PDE4D: variants seen among roughly 807,000 people sequenced by gnomAD.
PDE4D encodes the protein 3',5'-cyclic-AMP phosphodiesterase 4D.
A neutral mutation model predicts 87.4 loss-of-function variants in PDE4D; 24 were observed. The observed-to-expected ratio is 0.27, with a 90% CI of 0.20 to 0.39. The LOEUF (loss-of-function observed/expected upper bound fraction) is 0.39, where lower values mean the gene tolerates loss of function less well. Ranked by LOEUF, PDE4D falls within the 10% of genes least tolerant of loss-of-function variation. PDE4D has a pLI of 1.00. For missense variants in PDE4D, 714 were observed against 1,041.0 expected (o/e 0.69, Z 4.32); for synonymous variants, 384 against 383.2 (o/e 1.00, Z -0.02).
At chr5:59,589,861 A>C (rs1385211292) in intron 1 of PDE4D, among the ~76,000 whole-genome samples, 1 of 152,212 alleles carries the variant, frequency 6.6e-6, no homozygotes, top group African/African-American at 2.4e-5. Flanking sequence ...ATATTTTTAA[A>C]GTGAATTTTC....
At chr5:59,482,136 T>C (rs1372496244) in intron 1 of PDE4D, among the ~76,000 whole-genome samples, 1 of 152,134 alleles carries the variant, frequency 6.6e-6, no homozygotes, top group Non-Finnish European at 1.5e-5. Context: ...AACATCCCCT[T>C]AACATTCATA....
chr5:60,195,763 C>T (rs2409740), intron 1 of PDE4D, among the ~76,000 whole-genome samples: 7,447 of 151,700 alleles, frequency 0.049, 377 homozygotes, highest in South Asian at 0.11. Flanking sequence ...GTGGGACCCC[C>T]GAGGAGGCAG....
At chr5:59,762,100 G>T (rs1762038037) in intron 1 of PDE4D, among the ~76,000 whole-genome samples, 1 of 151,378 alleles carries the variant, frequency 6.6e-6, no homozygotes, top group East Asian at 1.9e-4. Context: ...AATGATCCAG[G>T]TATATATATA....
chr5:59,671,235 T>C (rs547902282), intron 1 of PDE4D, among the ~76,000 whole-genome samples: 50 of 152,172 alleles, frequency 3.3e-4, no homozygotes, highest in Non-Finnish European at 6.2e-4. Flanking sequence ...TTGCCTGCTT[T>C]GAGTTAGGGG....
Position 59,838,686 on chromosome 5 carries a change from G to A in PDE4D, c.455+54482C>T, listed in dbSNP as rs143402028. The stretch of plus-strand genomic sequence containing the variant: ...AAGGTAGTTAGATTAGCACTTAGAG[G>A]TGTTCTAGCATAATATTTAGTGCCT... On this transcript the variant is annotated intron_variant, in intron 1 of 14. Transcript: ENST00000340635. Among the ~76,000 whole-genome samples the A allele has an allele frequency of 7.2e-5, 11 of 152,098 alleles. No homozygotes were observed. In the East Asian group the frequency reaches 2.1e-3, roughly 30 times the overall value.
At position 59,444,669 on chromosome 5, in the gene PDE4D, G is replaced by A. The variant is rs1582636629; in HGVS notation, c.456-228701C>T. Among the ~76,000 whole-genome samples, 4 of 152,126 alleles carry A rather than the reference G, an allele frequency of 2.6e-5. 1 individual carries two copies. The Middle Eastern group carries it at 0.01, about 388-fold the overall frequency. ...CTACTAAAAACACAAAAAATTAGCCGGGCGTGATGTCAGGTGCCTGTAGTC... is the reference window on the plus strand; with the variant it reads ...CTACTAAAAACACAAAAAATTAGCCAGGCGTGATGTCAGGTGCCTGTAGTC... On this transcript the variant is annotated intron_variant, in intron 1 of 14. Transcript: ENST00000340635.
intron 1 of PDE4D, among the ~76,000 whole-genome samples, chr5:59,506,082 T>C (rs1297641125): frequency 6.6e-6 from 1 of 152,176 alleles, no homozygotes; most frequent in Non-Finnish European, 1.5e-5. Context: ...AGTCATGTTG[T>C]TGACTTCAAC....
intron 1 of PDE4D, among the ~76,000 whole-genome samples, chr5:59,298,701 A>G (rs1769587115): frequency 6.6e-6 from 1 of 152,198 alleles, no homozygotes; most frequent in Admixed American, 6.5e-5. Flanking sequence ...ATCTCAGAAG[A>G]TGATTACTCA....
intron 1 of PDE4D, among the ~76,000 whole-genome samples, chr5:60,292,983 A>G (rs1753029517): frequency 6.6e-6 from 1 of 151,940 alleles, no homozygotes; most frequent in Admixed American, 6.6e-5. Flanking sequence ...TTTCCTTATG[A>G]AATATTTATT....
intron 6 of PDE4D, among the ~76,000 whole-genome samples, chr5:59,024,044 G>C (rs1755746429): frequency 1.3e-5 from 2 of 150,574 alleles, no homozygotes; most frequent in East Asian, 3.9e-4. Flanking sequence ...TGAGATAACA[G>C]ACATGCACCA....
At position 59,893,293 on chromosome 5, in the gene PDE4D, C is replaced by T. The variant is rs779742595; in HGVS notation, c.330G>A (p.Ser110=). 2.0e-6 allele frequency: 3 copies of T among 1,536,922 alleles called. No homozygotes were observed. Among genetic ancestry groups the T allele is most frequent in the South Asian group, 1.2e-5 (1 of 82,308 alleles). The part of the protein sequence containing the change: ...ATGRVRHRGY[S]DTERYLYCRA... ...GACAGTACAGGTAGCGCTCGGTGTCCGAGTAGCCGCGATGCCGGACGCGGC... is the reference window on the plus strand; with the variant it reads ...GACAGTACAGGTAGCGCTCGGTGTCTGAGTAGCCGCGATGCCGGACGCGGC... The change falls in exon 1 of 15, where the codon TCG becomes TCA. Residue 110 remains serine (S), a synonymous_variant. Transcript: ENST00000340635.
chr5:59,373,896 T>C (rs1223140130), intron 1 of PDE4D, among the ~76,000 whole-genome samples: 3 of 152,094 alleles, frequency 2.0e-5, no homozygotes, highest in Non-Finnish European at 2.9e-5. Context: ...AAAAAGAAAT[T>C]CCAACCAACA....
chr5:59,709,132 T>G (rs1020712697), intron 1 of PDE4D, among the ~76,000 whole-genome samples: 3 of 152,098 alleles, frequency 2.0e-5, no homozygotes, highest in African/African-American at 4.8e-5. Flanking sequence ...GGAACTCGAC[T>G]AAAATGATCA....
intron 3 of PDE4D, among the ~76,000 whole-genome samples, chr5:59,927,698 CAT>C (rs1475764719): frequency 6.6e-5 from 10 of 152,096 alleles, no homozygotes; most frequent in African/African-American, 2.4e-4. Context: ...AAATGGGAAA[CAT>C]ATGGAAACAG....
intron 1 of PDE4D, among the ~76,000 whole-genome samples, chr5:59,309,858 C>CGCTGTGTATCCTGCCCAAACT (rs1581887840): frequency 6.6e-6 from 1 of 151,894 alleles, no homozygotes; most frequent in East Asian, 1.9e-4. Context: ...CTGCCCAAAC[C>CGCTGTGTATCCTGCCCAAACT]CGCTGCCAGT....
chr5:59,410,973 C>T (rs1341467039), intron 1 of PDE4D, among the ~76,000 whole-genome samples: 2 of 152,168 alleles, frequency 1.3e-5, no homozygotes, highest in Non-Finnish European at 2.9e-5. Context: ...TCTCACCTTC[C>T]AATGTGCCTA....
intron 1 of PDE4D, among the ~76,000 whole-genome samples, chr5:60,230,728 G>A (rs530273851): frequency 6.6e-6 from 1 of 152,224 alleles, no homozygotes; most frequent in East Asian, 1.9e-4. Flanking sequence ...AAATGAATAT[G>A]ATGACATAAG....
chr5:59,592,709 A>G (rs1416308775), intron 1 of PDE4D, among the ~76,000 whole-genome samples: 1 of 152,088 alleles, frequency 6.6e-6, no homozygotes, highest in African/African-American at 2.4e-5. Context: ...AGAAGACTTA[A>G]AAGCCTAATA....
intron 2 of PDE4D, among the ~76,000 whole-genome samples, chr5:60,105,560 T>A (rs4526059): frequency 0.29 from 43,365 of 151,810 alleles, 7,054 homozygotes; most frequent in East Asian, 0.74. Context: ...CGCATAATTG[T>A]CAGATTCACC....
Sources: gnomAD v4.1 joint callset for allele counts (sites outside exome capture counted in the v4.1 genomes callset) on GRCh38, gnomAD v4.1.1 for gene constraint, MANE v1.5 for transcripts, NCBI Gene and HGNC (gene_info 2026-07-23, HGNC 2026-07-21) for gene names.